RBM17: variants seen among roughly 807,000 people sequenced by gnomAD.
RBM17 encodes RNA binding motif protein 17, also known as splicing factor 45.
In RBM17, 7 loss-of-function variants were observed where a neutral mutation model predicts 53.2. That is an observed-to-expected ratio of 0.13 (90% CI 0.07 to 0.25). RBM17 has a LOEUF of 0.25. RBM17 is among the 10% of genes least tolerant of loss of function. The probability of loss-of-function intolerance (pLI) is 1.00; values close to 1 mark genes in which losing one functional copy is unlikely to be tolerated. For synonymous variants in RBM17, 167 were observed against 178.1 expected, an observed-to-expected ratio of 0.94 and a Z score of 0.50; for missense variants, 257 against 496.7, an observed-to-expected ratio of 0.52 and a Z score of 4.59.
At chr10:6,102,704 C>T (rs368095593) in intron 3 of RBM17, among the ~76,000 whole-genome samples, 23 of 152,138 alleles carry the variant, frequency 1.5e-4, no homozygotes, top group Non-Finnish European at 2.2e-4. Flanking sequence ...TCTCATTAAG[C>T]GAATGCATCA....
intron 11 of RBM17, 67 bp from the exon 12 acceptor site, chr10:6,115,386 G>A (rs1170970384): frequency 2.0e-6 from 3 of 1,536,288 alleles, no homozygotes; most frequent in East Asian, 2.2e-5. Context: ...TAAAGTTACT[G>A]TTTAATTAAA....
intron 2 of RBM17, 30 bp downstream of exon 2, chr10:6,097,218 A>C: frequency 6.2e-7 from 1 of 1,607,210 alleles, no homozygotes. Context: ...ATGAGAGCAG[A>C]GGCCTCCAGA....
intron 2 of RBM17, 31 bp from the exon 3 acceptor site, chr10:6,101,240 A>G (rs1248072171): frequency 1.4e-6 from 2 of 1,397,648 alleles, no homozygotes; most frequent in East Asian, 2.4e-5. Context: ...TTGAAACTTC[A>G]GTATGTTTTC....
intron 5 of RBM17, 44 bp from the exon 6 acceptor site, chr10:6,108,642 G>A (rs770738133): frequency 1.3e-6 from 2 of 1,529,818 alleles, no homozygotes; most frequent in Admixed American, 1.7e-5. Flanking sequence ...TTGGGAGTCT[G>A]GCATCGGAAA....
rs1363339917 is a variant in RBM17, at chr10:6,116,276, CAAAT to C, written c.*721_*724del. 2 of 152,302 alleles carry C rather than the reference CAAAT, an allele frequency of 1.3e-5. No individual in the cohort carries two copies. Among genetic ancestry groups the C allele is most frequent in the African/African-American group, 2.4e-5 (1 of 41,432 alleles). 9.4% of individuals were successfully genotyped at this position (152,302 alleles called of 1,614,324 possible). On this transcript the variant is annotated 3_prime_UTR_variant, in exon 12 of 12. Coordinates refer to ENST00000379888, the MANE Select transcript of RBM17 (RefSeq NM_032905.5). ...AGTCTTAAGGGTAGATCAGAAATGA[CAAAT>C]GAATTCAAAACCTAGCAGGTGCATT...
rs1399628289 is a variant in RBM17 at position 6,115,793 on chromosome 10, T to C, written c.*237T>C. On this transcript the variant is annotated 3_prime_UTR_variant, in exon 12 of 12. Transcript: ENST00000379888. ...CTCTGGTTGTTTCTCTTTTTTATTA[T>C]TACTCCTGAGTTGATGACATTTTTT... 2.0e-5 allele frequency: 7 copies of C among 354,778 alleles called. No homozygotes were observed. The Admixed American group carries it at 3.1e-4, about 15-fold the overall frequency. 22.0% of individuals were successfully genotyped at this position (354,778 alleles called of 1,614,324 possible). A position where few individuals can be genotyped will look rare whatever the true frequency, so the allele number is the denominator to read the frequency against.
chr10:6,101,683 C>T (rs1840671635), intron 3 of RBM17, among the ~76,000 whole-genome samples: 1 of 152,188 alleles, frequency 6.6e-6, no homozygotes, highest in African/African-American at 2.4e-5. Context: ...TGTGCCTACT[C>T]CACCTTCTGC....
intron 2 of RBM17, among the ~76,000 whole-genome samples, chr10:6,099,211 A>G (rs1180396291): frequency 6.6e-6 from 1 of 151,952 alleles, no homozygotes; most frequent in Non-Finnish European, 1.5e-5. Context: ...AACTTGAGGT[A>G]GCTTGTGAAG....
chr10:6,106,359 T>C, intron 5 of RBM17, 121 bp downstream of exon 5: 1 of 673,830 alleles, frequency 1.5e-6, no homozygotes. Flanking sequence ...TAATTTTCTT[T>C]CTGGAATCCC....
At chr10:6,108,862 C>T in intron 6 of RBM17, 120 bp downstream of exon 6, 1 of 365,452 alleles carries the variant, frequency 2.7e-6, no homozygotes, top group Non-Finnish European at 5.0e-6. Context: ...GCAAGCCTGC[C>T]TGGCTCTGTC....
At chr10:6,103,351 A>G (rs542665052) in intron 3 of RBM17, among the ~76,000 whole-genome samples, 1 of 152,278 alleles carries the variant, frequency 6.6e-6, no homozygotes, top group South Asian at 2.1e-4. Context: ...TTAGAAAAGG[A>G]TGATTGATTT....
intron 5 of RBM17, 39 bp from the exon 6 acceptor site, chr10:6,108,647 C>T (rs562242462): frequency 3.8e-6 from 6 of 1,574,370 alleles, no homozygotes; most frequent in South Asian, 1.1e-5. Flanking sequence ...AGTCTGGCAT[C>T]GGAAACCTCC....
intron 5 of RBM17, 134 bp from the exon 6 acceptor site, chr10:6,108,552 G>A: frequency 3.3e-6 from 2 of 597,604 alleles, no homozygotes; most frequent in Admixed American, 6.8e-5. Flanking sequence ...GTAGCAGGAG[G>A]TCATCTGAAG....
intron 3 of RBM17, among the ~76,000 whole-genome samples, chr10:6,101,721 G>C (rs1330170162): frequency 2.6e-5 from 4 of 151,206 alleles, no homozygotes; most frequent in Non-Finnish European, 5.9e-5. Context: ...TTAATACGTT[G>C]TGACTCTGTC....
chr10:6,099,053 A>G (rs1243381654), intron 2 of RBM17, among the ~76,000 whole-genome samples: 2 of 151,998 alleles, frequency 1.3e-5, no homozygotes, highest in African/African-American at 4.8e-5. Context: ...TTCATTCCAA[A>G]TGTAAGGAGG....
At chr10:6,101,013 AT>A (rs1221210415) in intron 2 of RBM17, among the ~76,000 whole-genome samples, 1 of 152,228 alleles carries the variant, frequency 6.6e-6, no homozygotes, top group Non-Finnish European at 1.5e-5. Flanking sequence ...CAAAACTCTT[AT>A]CCCCAAGTAT....
chr10:6,110,481 T>C (rs1840821313), intron 7 of RBM17, among the ~76,000 whole-genome samples: 1 of 152,236 alleles, frequency 6.6e-6, no homozygotes. Context: ...ATACCTTTTT[T>C]TTCCTGATAA....
At chr10:6,099,714 A>G (rs909651742) in intron 2 of RBM17, among the ~76,000 whole-genome samples, 1 of 152,144 alleles carries the variant, frequency 6.6e-6, no homozygotes. Flanking sequence ...TGGAACCTGT[A>G]GATACAGAGG....
chr10:6,093,911 G>A lies in RBM17; in HGVS notation c.-18-3137G>A, dbSNP rs1420066950. ...TCATACTTTTAATAATTTTATGCATGCAAAAAGATTTCACTCTGTTTTTGA... is the reference window on the plus strand; with the variant it reads ...TCATACTTTTAATAATTTTATGCATACAAAAAGATTTCACTCTGTTTTTGA... On this transcript the variant is annotated intron_variant, in intron 1 of 11. Coordinates refer to ENST00000379888, the MANE Select transcript of RBM17 (RefSeq NM_032905.5). Among the ~76,000 whole-genome samples the A allele has an allele frequency of 2.6e-5, 4 of 151,088 alleles. No homozygotes were observed. In the East Asian group the frequency reaches 7.7e-4, roughly 29 times the overall value.
Sources: allele counts gnomAD v4.1 joint callset (sites outside exome capture counted in the v4.1 genomes callset), GRCh38; gene constraint gnomAD v4.1.1; transcripts MANE v1.5; gene names NCBI Gene and HGNC (gene_info 2026-07-23, HGNC 2026-07-21).